TMEM232: variants seen among roughly 807,000 people sequenced by gnomAD.
TMEM232 encodes transmembrane protein 232.
A neutral mutation model predicts 78.8 loss-of-function variants in TMEM232; 80 were observed. The ratio of observed to expected loss-of-function variants is 1.01; its 90% confidence interval spans 0.85 to 1.22. TMEM232 has a LOEUF of 1.22. Among genes scored for constraint, TMEM232 ranks in the 50% most tolerant of loss-of-function variants. The pLI is 0.00. For synonymous variants in TMEM232, 297 were observed against 254.3 expected (o/e 1.17, Z -1.60); for missense variants, 881 against 742.2 (o/e 1.19, Z -2.17).
At chr5:110,576,249 C>A (rs1186678890) in intron 10 of TMEM232, among the ~76,000 whole-genome samples, 2 of 151,936 alleles carry the variant, frequency 1.3e-5, no homozygotes, top group East Asian at 3.9e-4. Flanking sequence ...AGCGGTCCAG[C>A]CTAAGGCCAA....
At chr5:110,494,984 G>T (rs1765491607) in intron 12 of TMEM232, among the ~76,000 whole-genome samples, 1 of 151,516 alleles carries the variant, frequency 6.6e-6, no homozygotes, top group Non-Finnish European at 1.5e-5. Flanking sequence ...TTGGGATAAT[G>T]GAATTAGAAC....
intron 1 of TMEM232, among the ~76,000 whole-genome samples, chr5:110,700,882 T>C (rs1795370299): frequency 2.0e-5 from 3 of 151,934 alleles, no homozygotes; most frequent in African/African-American, 7.2e-5. Context: ...TTTTCTATCC[T>C]CAACCCCACC....
intron 2 of TMEM232, among the ~76,000 whole-genome samples, chr5:110,663,699 C>G (rs1790115867): frequency 7.5e-6 from 1 of 134,206 alleles, no homozygotes; most frequent in Non-Finnish European, 1.7e-5. Flanking sequence ...GGAAGTGATA[C>G]TCTCATACTC....
At chr5:110,593,810 T>C (rs368933963) in intron 10 of TMEM232, among the ~76,000 whole-genome samples, 6 of 152,200 alleles carry the variant, frequency 3.9e-5, no homozygotes, top group African/African-American at 1.4e-4. Flanking sequence ...TACAAATAAC[T>C]AAAGGGTATA....
At chr5:110,592,907 G>A (rs560471826) in intron 10 of TMEM232, among the ~76,000 whole-genome samples, 53 of 152,214 alleles carry the variant, frequency 3.5e-4, no homozygotes, top group African/African-American at 1.2e-3. Flanking sequence ...TTTATTCAAT[G>A]ACAAATAATT....
chr5:110,432,797 ACCACACTACT>A (rs1758005338), intron 12 of TMEM232, among the ~76,000 whole-genome samples: 2 of 151,738 alleles, frequency 1.3e-5, no homozygotes, highest in Admixed American at 6.6e-5. Flanking sequence ...ATAAAGACCC[ACCACACTACT>A]GGAAAACAAA....
intron 3 of TMEM232, among the ~76,000 whole-genome samples, chr5:110,391,322 T>TGAGAGAGAGAGA (rs1483505581): frequency 3.2e-4 from 44 of 138,216 alleles, no homozygotes; most frequent in African/African-American, 1.4e-3. Flanking sequence ...TGTGTGTGTG[T>TGAGAGAGAGAGA]GTGTGAGAGA....
chr5:110,638,043 A>T lies in TMEM232; in HGVS notation c.501+155T>A, dbSNP rs189205119. On this transcript the variant is annotated intron_variant, in intron 5 of 13. Coordinates refer to ENST00000455884, the MANE Select transcript of TMEM232 (RefSeq NM_001039763.4). Reference sequence around the variant, plus strand: ...TCCATTTAGATATTAAGCAATAATAACGTACTACTCACAATTAGAGAAGAT... The same window carrying T: ...TCCATTTAGATATTAAGCAATAATATCGTACTACTCACAATTAGAGAAGAT... Among the ~76,000 whole-genome samples the T allele has an allele frequency of 1.0e-2, 1,522 of 152,286 alleles. 32 individuals are homozygous for T. The highest frequency in any genetic ancestry group is 0.034 in the African/African-American group (1,422 of 41,566).
intron 2 of TMEM232, among the ~76,000 whole-genome samples, chr5:110,663,741 G>GTGTA (rs1426565373): frequency 7.9e-6 from 1 of 126,716 alleles, no homozygotes; most frequent in South Asian, 2.6e-4. Flanking sequence ...GTGTGTGTGT[G>GTGTA]TGTATGTGTG....
At chr5:110,697,933 CT>C (rs1302485597) in intron 1 of TMEM232, among the ~76,000 whole-genome samples, 2 of 152,176 alleles carry the variant, frequency 1.3e-5, no homozygotes, top group Non-Finnish European at 2.9e-5. Flanking sequence ...CATCCCATTA[CT>C]GGGTATATAC....
chr5:110,441,495 C>A (rs1759039747), intron 12 of TMEM232, among the ~76,000 whole-genome samples: 1 of 152,148 alleles, frequency 6.6e-6, no homozygotes, highest in Non-Finnish European at 1.5e-5. Context: ...CACCAATAAT[C>A]CCTGCCTCCT....
At chr5:110,598,477 G>C (rs1236974341) in intron 10 of TMEM232, among the ~76,000 whole-genome samples, 2 of 152,106 alleles carry the variant, frequency 1.3e-5, no homozygotes, top group Non-Finnish European at 2.9e-5. Context: ...TCTAGAACTA[G>C]AAATACCATT....
chr5:110,458,897 G>A (rs900994001), intron 12 of TMEM232, among the ~76,000 whole-genome samples: 1 of 152,120 alleles, frequency 6.6e-6, no homozygotes, highest in African/African-American at 2.4e-5. Context: ...TTGGTGCTAA[G>A]TTGCACTTAA....
At chr5:110,513,124 C>CAGAT (rs1298178994) in intron 12 of TMEM232, among the ~76,000 whole-genome samples, 1 of 152,102 alleles carries the variant, frequency 6.6e-6, no homozygotes, top group South Asian at 2.1e-4. Flanking sequence ...GAAGATGTAA[C>CAGAT]AGATAGATAG....
At chr5:110,676,298 G>T (rs1386159597) in intron 1 of TMEM232, among the ~76,000 whole-genome samples, 1 of 151,936 alleles carries the variant, frequency 6.6e-6, no homozygotes, top group African/African-American at 2.4e-5. Flanking sequence ...TAGTGGGATG[G>T]TTGGTTCCTA....
intron 2 of TMEM232, among the ~76,000 whole-genome samples, chr5:110,657,508 C>T (rs542289749): frequency 6.6e-6 from 1 of 152,162 alleles, no homozygotes; most frequent in South Asian, 2.1e-4. Flanking sequence ...GAAGGATAAA[C>T]ACCACATGAT....
intron 12 of TMEM232, among the ~76,000 whole-genome samples, chr5:110,456,369 A>G (rs989756411): frequency 6.6e-5 from 10 of 152,110 alleles, no homozygotes; most frequent in Admixed American, 3.3e-4. Context: ...ATATGCAACA[A>G]AGTAAAAAAA....
At chr5:110,461,670 A>G (rs1004560741) in intron 12 of TMEM232, among the ~76,000 whole-genome samples, 11 of 152,214 alleles carry the variant, frequency 7.2e-5, no homozygotes, top group Non-Finnish European at 5.9e-5. Context: ...AAAGTTTCAA[A>G]GGACAGGCTG....
intron 12 of TMEM232, among the ~76,000 whole-genome samples, chr5:110,448,946 A>T (rs61463359): frequency 0.033 from 5,037 of 152,124 alleles, 110 homozygotes; most frequent in African/African-American, 0.06. Context: ...AGACATATAA[A>T]GTGTGACTAA....
Sources: gnomAD v4.1 joint callset for allele counts (sites outside exome capture counted in the v4.1 genomes callset) on GRCh38, gnomAD v4.1.1 for gene constraint, MANE v1.5 for transcripts, NCBI Gene and HGNC (gene_info 2026-07-23, HGNC 2026-07-21) for gene names.